Variants in PHF21B observed in about 807,000 individuals in gnomAD.
PHF21B encodes PHD finger protein 4.
Under a neutral mutation model 62.2 loss-of-function variants are expected in PHF21B, and 22 were observed. The observed-to-expected ratio is 0.35, with a 90% CI of 0.25 to 0.51. The LOEUF (loss-of-function observed/expected upper bound fraction) is 0.51, where lower values mean the gene tolerates loss of function less well. Ranked by LOEUF, PHF21B falls within the 20% of genes least tolerant of loss-of-function variation. The probability of loss-of-function intolerance (pLI) is 0.97; values close to 1 mark genes in which losing one functional copy is unlikely to be tolerated. For missense variants in PHF21B, 701 were observed against 707.9 expected (o/e 0.99, Z 0.11); for synonymous variants, 341 against 314.7 (o/e 1.08, Z -0.88).
In PHF21B at chr22:44,882,747, C is replaced by G. The variant is rs1221201867; in HGVS notation, c.*339G>C. 3.7e-6 allele frequency: 1 copy of G among 269,660 alleles called. No individual in the cohort carries two copies. The highest frequency in any genetic ancestry group is 2.2e-5 in the African/African-American group (1 of 44,834). 16.7% of individuals were successfully genotyped at this position (269,660 alleles called of 1,614,324 possible). ...TGCTTGTCCCCTCCACAGCCTCAGC[C>G]TGCCCCTCCAACGGGCCAGAGGGAG... On this transcript the variant is annotated 3_prime_UTR_variant, in exon 13 of 13. Coordinates refer to ENST00000313237, the MANE Select transcript of PHF21B (RefSeq NM_138415.5).
intron 8 of PHF21B, 63 bp from the exon 9 acceptor site, chr22:44,889,845 T>C: frequency 6.8e-7 from 1 of 1,472,546 alleles, no homozygotes; most frequent in Non-Finnish European, 9.0e-7. Context: ...AGATCAGGAC[T>C]GGAGTCCATG....
chr22:44,928,582 A>G (rs136685), intron 2 of PHF21B, among the ~76,000 whole-genome samples: 2,435 of 152,108 alleles, frequency 0.016, 36 homozygotes, highest in East Asian at 0.047. Flanking sequence ...GCTAATTTTT[A>G]TATTTTTAGT....
chr22:45,004,340 G>T (rs1450470114), intron 2 of PHF21B, among the ~76,000 whole-genome samples: 1 of 152,064 alleles, frequency 6.6e-6, no homozygotes, highest in African/African-American at 2.4e-5. Context: ...GGCGCAGGGC[G>T]ATGAAGGGAT....
chr22:44,915,200 T>A (rs866112879), intron 4 of PHF21B, among the ~76,000 whole-genome samples: 3 of 152,128 alleles, frequency 2.0e-5, no homozygotes, highest in African/African-American at 7.2e-5. Context: ...TTTATATCCA[T>A]GGGAAGAAAA....
chr22:44,980,466 G>C (rs2072820294), intron 2 of PHF21B, among the ~76,000 whole-genome samples: 1 of 152,338 alleles, frequency 6.6e-6, no homozygotes, highest in African/African-American at 2.4e-5. Context: ...TGCAGACCTT[G>C]GAGGCCCAGG....
intron 2 of PHF21B, among the ~76,000 whole-genome samples, chr22:44,926,647 T>C (rs1421414334): frequency 2.6e-5 from 4 of 152,206 alleles, no homozygotes; most frequent in African/African-American, 4.8e-5. Flanking sequence ...GTGTTTTCCA[T>C]GTTGCCTCGT....
intron 2 of PHF21B, among the ~76,000 whole-genome samples, chr22:44,957,074 C>A (rs2072313868): frequency 6.6e-6 from 1 of 152,120 alleles, no homozygotes; most frequent in Non-Finnish European, 1.5e-5. Context: ...CAATGGCCAC[C>A]TCCACCTCAG....
At chr22:44,991,749 A>G (rs962596568) in intron 2 of PHF21B, among the ~76,000 whole-genome samples, 1 of 152,196 alleles carries the variant, frequency 6.6e-6, no homozygotes, top group African/African-American at 2.4e-5. Flanking sequence ...TGCTAGCCAG[A>G]CCTGACTCTC....
Position 44,916,491 on chromosome 22 carries a change from T to C in PHF21B, c.353A>G (p.Asn118Ser). The change falls in exon 4 of 13, where the codon AAC (asparagine) becomes AGC (serine). Residue 118 changes from asparagine (N) to serine (S), a missense_variant. Asn to Ser is a conservative substitution (Grantham distance 46). Coordinates refer to ENST00000313237, the MANE Select transcript of PHF21B (RefSeq NM_138415.5). ...NPSPALPTAN[N>S]TVSHVPAPGS... The stretch of plus-strand genomic sequence containing the variant: ...GGGCGCTGGCACATGGCTGACAGTG[T>C]TGTTGGCGGTGGGGAGGGCTGGGCT... The C allele has an allele frequency of 6.2e-7, 1 of 1,607,812 alleles. No homozygotes were observed. The highest frequency in any genetic ancestry group is 8.5e-7 in the Non-Finnish European group (1 of 1,179,366).
intron 2 of PHF21B, chr22:44,933,581 G>C (rs935978569): frequency 2.1e-6 from 2 of 975,452 alleles, no homozygotes; most frequent in Non-Finnish European, 2.4e-6. Flanking sequence ...GGAAGTGCAC[G>C]GGAAGGTCTC....
At chr22:44,908,640 C>CA (rs764153649) in intron 5 of PHF21B, among the ~76,000 whole-genome samples, 1 of 152,220 alleles carries the variant, frequency 6.6e-6, no homozygotes, top group African/African-American at 2.4e-5. Context: ...TGTTTCTTCA[C>CA]AAAAATCCAC....
At chr22:44,970,035 G>T (rs986313686) in intron 2 of PHF21B, among the ~76,000 whole-genome samples, 1 of 152,214 alleles carries the variant, frequency 6.6e-6, no homozygotes, top group Non-Finnish European at 1.5e-5. Context: ...CTCTACAGGT[G>T]GTCAACCAAG....
Position 44,975,507 on chromosome 22 carries a change from C to T in PHF21B, c.120+33038G>A, listed in dbSNP as rs73427786. Among the ~76,000 whole-genome samples the T allele has an allele frequency of 9.5e-3, 1,454 of 152,368 alleles. 26 individuals are homozygous for T. The highest frequency in any genetic ancestry group is 0.034 in the African/African-American group (1,410 of 41,572). ...CCCCTCATGAGTCGCAAGCAGGTCT[C>T]ATCACTGGGCGCCCTCCTGCCCTGA... is the stretch of plus-strand genomic sequence containing the variant. On this transcript the variant is annotated intron_variant, in intron 2 of 12. Transcript: ENST00000313237.
At chr22:44,945,727 T>A (rs136701) in intron 2 of PHF21B, among the ~76,000 whole-genome samples, 39 of 22,582 alleles carry the variant, frequency 1.7e-3, no homozygotes, top group Admixed American at 0.012. Context: ...GGGGGGGGGG[T>A]GGTATAAAGC....
chr22:44,996,415 T>A (rs1031572262), intron 2 of PHF21B, among the ~76,000 whole-genome samples: 1 of 151,996 alleles, frequency 6.6e-6, no homozygotes, highest in African/African-American at 2.4e-5. Context: ...AAACAACCAG[T>A]TCTAGCCCCA....
chr22:44,946,357 C>G (rs2072071234), intron 2 of PHF21B, among the ~76,000 whole-genome samples: 1 of 152,172 alleles, frequency 6.6e-6, no homozygotes, highest in Non-Finnish European at 1.5e-5. Context: ...CCCGACATGC[C>G]TACAATCTCG....
At chr22:44,907,045 C>T (rs982599568) in intron 5 of PHF21B, among the ~76,000 whole-genome samples, 10 of 152,172 alleles carry the variant, frequency 6.6e-5, no homozygotes, top group Non-Finnish European at 1.0e-4. Context: ...ATACATGTCA[C>T]GCGTTTTAGA....
chr22:44,921,161 G>T (rs1195027950), intron 2 of PHF21B, among the ~76,000 whole-genome samples: 3 of 152,166 alleles, frequency 2.0e-5, no homozygotes, highest in Non-Finnish European at 2.9e-5. Context: ...CCAATATGGG[G>T]GTCTCGCCAA....
chr22:44,964,047 G>A lies in PHF21B; in HGVS notation c.121-43557C>T, dbSNP rs112520402. Among the ~76,000 whole-genome samples, 888 of 152,352 alleles carry A rather than the reference G, an allele frequency of 5.8e-3. 10 individuals are homozygous for A. The highest frequency in any genetic ancestry group is 0.021 in the African/African-American group (853 of 41,588). ...CGTCCAGCTGTGTGTTGGGAGGGTT[G>A]CTGGAAGCCTCGGCTTCCTTCTCAC... On this transcript the variant is annotated intron_variant, in intron 2 of 12. Coordinates refer to ENST00000313237, the MANE Select transcript of PHF21B (RefSeq NM_138415.5).
Sources: allele counts gnomAD v4.1 joint callset (sites outside exome capture counted in the v4.1 genomes callset), GRCh38; gene constraint gnomAD v4.1.1; transcripts MANE v1.5; gene names NCBI Gene and HGNC (gene_info 2026-07-23, HGNC 2026-07-21).